BMP6: variants seen among roughly 807,000 people sequenced by gnomAD.
BMP6 encodes VG-1-R.
A neutral mutation model predicts 54.1 loss-of-function variants in BMP6; 17 were observed. The observed-to-expected ratio is 0.31, with a 90% confidence interval of 0.22 to 0.47. The LOEUF (loss-of-function observed/expected upper bound fraction) is 0.47. Ranked by LOEUF, BMP6 falls within the 20% of genes least tolerant of loss-of-function variation. BMP6 has a pLI of 1.00. For synonymous variants in BMP6, 328 were observed against 291.2 expected (o/e 1.13, Z -1.28); for missense variants, 720 against 690.4 (o/e 1.04, Z -0.48).
intron 1 of BMP6, among the ~76,000 whole-genome samples, chr6:7,837,787 G>GAAATA (rs975931004): frequency 6.6e-6 from 1 of 151,632 alleles, no homozygotes; most frequent in Non-Finnish European, 1.5e-5. Context: ...CAAAAGTATT[G>GAAATA]AAATAAAATA....
At chr6:7,790,609 G>A (rs1272013045) in intron 1 of BMP6, among the ~76,000 whole-genome samples, 2 of 149,026 alleles carry the variant, frequency 1.3e-5, no homozygotes, top group East Asian at 2.0e-4. Flanking sequence ...TTTCAAGTAA[G>A]CTTCTCTGCC....
Position 7,726,970 on chromosome 6 carries a change from G to A in BMP6, c.15G>A (p.Gly5=). 2.6e-6 allele frequency: 3 copies of A among 1,135,560 alleles called. No individual in the cohort carries two copies. Among genetic ancestry groups the A allele is most frequent in the South Asian group, 8.5e-5 (2 of 23,516 alleles). The allele number at this position is 1,135,560 out of a possible 1,614,324, so 70.3% of individuals were successfully genotyped here. ...GCCGGGCGGGGATGCCGGGGCTGGG[G>A]CGGAGGGCGCAGTGGCTGTGCTGGT... MPGL[G]RRAQWLCWWW... Residue 5 remains glycine, a synonymous_variant, in exon 1 of 7, where the codon GGG becomes GGA. Coordinates refer to ENST00000283147, the MANE Select transcript of BMP6 (RefSeq NM_001718.6).
intron 1 of BMP6, among the ~76,000 whole-genome samples, chr6:7,732,682 G>A (rs1761886553): frequency 2.2e-5 from 2 of 91,866 alleles, no homozygotes; most frequent in Non-Finnish European, 5.1e-5. Context: ...GCTATCAAAT[G>A]TAGTATATCA....
chr6:7,819,071 C>A (rs1206950051), intron 1 of BMP6, among the ~76,000 whole-genome samples: 5 of 152,146 alleles, frequency 3.3e-5, no homozygotes, highest in Admixed American at 3.3e-4. Context: ...AAAAGACAAG[C>A]TGCAATGTGA....
At chr6:7,770,780 G>C (rs1757771678) in intron 1 of BMP6, among the ~76,000 whole-genome samples, 1 of 152,230 alleles carries the variant, frequency 6.6e-6, no homozygotes, top group African/African-American at 2.4e-5. Flanking sequence ...TACACCAGGT[G>C]ATCCCTATTA....
chr6:7,815,098 T>G (rs1758506080), intron 1 of BMP6, among the ~76,000 whole-genome samples: 1 of 152,188 alleles, frequency 6.6e-6, no homozygotes, highest in African/African-American at 2.4e-5. Context: ...TTATTCTTCC[T>G]TTTCTGGGAT....
At chr6:7,751,037 T>C (rs533158824) in intron 1 of BMP6, among the ~76,000 whole-genome samples, 1 of 152,228 alleles carries the variant, frequency 6.6e-6, no homozygotes, top group African/African-American at 2.4e-5. Context: ...CAAATGTTGT[T>C]GGATTACTCT....
At chr6:7,805,586 C>T (rs1387420421) in intron 1 of BMP6, among the ~76,000 whole-genome samples, 2 of 151,444 alleles carry the variant, frequency 1.3e-5, no homozygotes, top group Admixed American at 6.6e-5. Flanking sequence ...GGAAGGAAAC[C>T]GGATCTACCC....
Position 7,830,346 on chromosome 6 carries a change from T to C in BMP6, c.665-14794T>C, listed in dbSNP as rs7754901. Among the ~76,000 whole-genome samples the C allele has an allele frequency of 6.6e-3, 999 of 152,346 alleles. 23 individuals carry two copies. The highest frequency in any genetic ancestry group is 0.023 in the African/African-American group (948 of 41,578). On this transcript the variant is annotated intron_variant, in intron 1 of 6. Coordinates refer to ENST00000283147, the MANE Select transcript of BMP6 (RefSeq NM_001718.6). ...TCTGCTCAGACTCAGCAAATATTCA[T>C]TGTGAGCCTACTATGTGCCAGGTGC...
intron 1 of BMP6, among the ~76,000 whole-genome samples, chr6:7,742,501 T>C (rs1041158313): frequency 6.6e-5 from 10 of 152,236 alleles, no homozygotes; most frequent in African/African-American, 2.2e-4. Flanking sequence ...GGTGACATAA[T>C]GTCTATTGAA....
chr6:7,854,378 T>C (rs1440711969), intron 2 of BMP6, among the ~76,000 whole-genome samples: 1 of 151,886 alleles, frequency 6.6e-6, no homozygotes. Flanking sequence ...TTGTAAAACA[T>C]CTTTTTAAAA....
intron 4 of BMP6, among the ~76,000 whole-genome samples, chr6:7,873,431 C>G (rs139628616): frequency 3.3e-3 from 495 of 152,236 alleles, no homozygotes; most frequent in Non-Finnish European, 6.4e-3. Flanking sequence ...GCTTCCACAC[C>G]CTTTTGGGTG....
intron 4 of BMP6, among the ~76,000 whole-genome samples, chr6:7,874,368 T>C (rs1759573399): frequency 6.6e-6 from 1 of 152,194 alleles, no homozygotes; most frequent in East Asian, 1.9e-4. Context: ...CCTCAGGGCC[T>C]TCACATTGTC....
At chr6:7,764,656 A>T (rs1014711690) in intron 1 of BMP6, among the ~76,000 whole-genome samples, 5 of 152,074 alleles carry the variant, frequency 3.3e-5, no homozygotes, top group South Asian at 4.1e-4. Context: ...TATTAAAAAA[A>T]TTTTTTTAGG....
At chr6:7,791,662 A>G (rs1036856374) in intron 1 of BMP6, among the ~76,000 whole-genome samples, 2 of 152,056 alleles carry the variant, frequency 1.3e-5, no homozygotes, top group African/African-American at 4.8e-5. Context: ...CCTCAAATTC[A>G]GCATGTAGGA....
intron 1 of BMP6, among the ~76,000 whole-genome samples, chr6:7,834,201 TTTTTAGG>T (rs1361071831): frequency 1.9e-4 from 29 of 151,464 alleles, no homozygotes; most frequent in Admixed American, 3.3e-4. Flanking sequence ...TTTTTTTTTT[TTTTTAGG>T]AAAAAAAAGT....
In BMP6 at chr6:7,856,015, T is replaced by G. The variant is rs561088776; in HGVS notation, c.858-5436T>G. Among the ~76,000 whole-genome samples, 45 of 150,416 alleles carry G rather than the reference T, an allele frequency of 3.0e-4. No individual in the cohort carries two copies. The South Asian group carries it at 5.5e-3, about 18-fold the overall frequency. On this transcript the variant is annotated intron_variant, in intron 2 of 6. Transcript: ENST00000283147. ...CAGCAAAGTGATTTATATTGGTTTTTTAAAGACGAAATAGCCCCTACAGAA... is the reference window on the plus strand; with the variant it reads ...CAGCAAAGTGATTTATATTGGTTTTGTAAAGACGAAATAGCCCCTACAGAA...
intron 1 of BMP6, among the ~76,000 whole-genome samples, chr6:7,829,100 T>G (rs969666300): frequency 5.9e-5 from 9 of 152,198 alleles, no homozygotes; most frequent in African/African-American, 2.2e-4. Flanking sequence ...AACATTTCCT[T>G]AAACCAAATA....
At chr6:7,769,470 T>C (rs997169741) in intron 1 of BMP6, among the ~76,000 whole-genome samples, 2 of 152,188 alleles carry the variant, frequency 1.3e-5, no homozygotes, top group Non-Finnish European at 2.9e-5. Context: ...TCAGATGCAT[T>C]GAGTAGGGGT....
Sources: gnomAD v4.1 joint callset for allele counts (sites outside exome capture counted in the v4.1 genomes callset) on GRCh38, gnomAD v4.1.1 for gene constraint, MANE v1.5 for transcripts, NCBI Gene and HGNC (gene_info 2026-07-23, HGNC 2026-07-21) for gene names.